RIF1: variants seen among roughly 807,000 people sequenced by gnomAD.
The protein encoded by RIF1 is telomere-associated protein RIF1.
A neutral mutation model predicts 247.1 loss-of-function variants in RIF1; 45 were observed. The observed-to-expected ratio is 0.18, with a 90% CI of 0.14 to 0.23. The LOEUF (loss-of-function observed/expected upper bound fraction) is 0.23, where lower values mean the gene tolerates loss of function less well. Among genes scored for constraint, RIF1 ranks in the 10% least tolerant of loss-of-function variants. The pLI is 1.00. For synonymous variants in RIF1, 1,087 were observed against 978.8 expected (o/e 1.11, Z -2.06); for missense variants, 2,967 against 2,862.5 (o/e 1.04, Z -0.83).
rs541126160 is a variant in RIF1 at position 151,497,626 on chromosome 2, C to G, written c.*514-1719C>G. On this transcript the variant is annotated intron_variant and NMD_transcript_variant, in intron 10 of 13. Transcript: ENST00000454583. ...TTTTTTTCTTTTCTTGCCAAAGTAC[C>G]GAGCTAATATTTTCTTGATTGTGTT... 3.8e-5 allele frequency: 59 copies of G among 1,569,106 alleles called. No individual in the cohort carries two copies. Among genetic ancestry groups the G allele is most frequent in the Middle Eastern group, 1.7e-4 (1 of 6,026 alleles).
Position 151,480,922 on chromosome 2 carries a change from G to A in RIF1, c.*5851G>A, listed in dbSNP as rs1358617208. On this transcript the variant is annotated 3_prime_UTR_variant, in exon 36 of 36. Transcript: ENST00000444746. ...ATGCCACCTGTTTTTTGTACTATCT[G>A]TGAGCTGAGACTGGTTTTTACATTT... 1 of 152,064 alleles carries A rather than the reference G, an allele frequency of 6.6e-6. No homozygotes were observed. The highest frequency in any genetic ancestry group is 2.4e-5 in the African/African-American group (1 of 41,414). The allele number at this position is 152,064 out of a possible 1,614,324, so 9.4% of individuals were successfully genotyped here.
In RIF1 at chr2:151,463,163, A is replaced by G. The variant is rs371962016; in HGVS notation, c.3643A>G (p.Thr1215Ala). Residue 1215 changes from threonine to alanine, a missense_variant, in exon 30 of 36, where the codon ACA becomes GCA. By Grantham distance (58) the Thr-to-Ala change is moderately conservative. Around this residue, in one of 7 missense-constraint regions of RIF1, gnomAD observed 2,028 missense variants for 1,825.6 expected, o/e 1.11. Transcript: ENST00000444746. Reference sequence around the variant, plus strand: ...TGTTGCTGGAACTCCCCCATACCCTACAAGTCGGAGGCAAACCTTTATTAC... The same window carrying G: ...TGTTGCTGGAACTCCCCCATACCCTGCAAGTCGGAGGCAAACCTTTATTAC... ...TTVAGTPPYPTSRRQTFITLE... is the reference protein window; with the variant it reads ...TTVAGTPPYPASRRQTFITLE... 45 of 1,614,030 alleles carry G rather than the reference A, an allele frequency of 2.8e-5. No homozygotes were observed. Among genetic ancestry groups the G allele is most frequent in the Non-Finnish European group, 3.7e-5 (44 of 1,180,010 alleles).
At position 151,481,316 on chromosome 2, in the gene RIF1, C is replaced by G. The variant is rs1408314593; in HGVS notation, c.*6245C>G. The G allele has an allele frequency of 6.6e-6, 1 of 152,172 alleles. No homozygotes were observed. The highest frequency in any genetic ancestry group is 1.5e-5 in the Non-Finnish European group (1 of 68,024). The allele number at this position is 152,172 out of a possible 1,614,324, so 9.4% of individuals were successfully genotyped here. ...CTCCTGATTTTACTTACGTGTTTTA[C>G]TATTGCTCAAATTACAGATACTAGG... On this transcript the variant is annotated 3_prime_UTR_variant, in exon 36 of 36. Transcript: ENST00000444746.
intron 24 of RIF1, 112 bp downstream of exon 24, chr2:151,458,075 T>TA (rs1247798303): frequency 1.5e-6 from 1 of 677,376 alleles, no homozygotes; most frequent in Non-Finnish European, 2.4e-6. Context: ...GAGGATTCCT[T>TA]AGTTGAAATA....
At position 151,466,131 on chromosome 2, in the gene RIF1, T is replaced by C; in HGVS notation, c.6600+11T>C. 1.3e-6 allele frequency: 2 copies of C among 1,493,286 alleles called. No individual in the cohort carries two copies. The highest frequency in any genetic ancestry group is 1.8e-6 in the Non-Finnish European group (2 of 1,094,172). 92.5% of individuals were successfully genotyped at this position (1,493,286 alleles called of 1,614,324 possible). ...TCACCTGTTAATAAGGTAAGGGGAA[T>C]GAGGCTAAATATTAAGGAACCCAGT... On this transcript the variant is annotated intron_variant, in intron 30 of 35. Transcript: ENST00000444746.
intron 9 of RIF1, chr2:151,490,101 T>G: frequency 6.5e-7 from 1 of 1,548,164 alleles, no homozygotes; most frequent in Non-Finnish European, 8.9e-7. Flanking sequence ...GGCAAATTCT[T>G]TATAAGAAGA....
intron 7 of RIF1, among the ~76,000 whole-genome samples, chr2:151,421,575 CTTGTT>C (rs1190807317): frequency 5.3e-5 from 8 of 152,168 alleles, no homozygotes; most frequent in Admixed American, 4.6e-4. Context: ...ATTTGAAGGT[CTTGTT>C]TTGTTTTTTG....
intron 11 of RIF1, among the ~76,000 whole-genome samples, chr2:151,502,421 A>G (rs1160820934): frequency 6.6e-6 from 1 of 152,104 alleles, no homozygotes; most frequent in Non-Finnish European, 1.5e-5. Context: ...GCAAACATAA[A>G]GAATACATTA....
chr2:151,503,591 T>C, intron 12 of RIF1: 1 of 550,940 alleles, frequency 1.8e-6, no homozygotes, highest in Non-Finnish European at 3.2e-6. Context: ...ATTCCATGAA[T>C]ATTTATGTTG....
rs758836253 is a variant in RIF1, at chr2:151,480,088, A to C, written c.*5017A>C. On this transcript the variant is annotated 3_prime_UTR_variant, in exon 36 of 36. Coordinates refer to ENST00000444746, the MANE Select transcript of RIF1 (RefSeq NM_018151.5). ...TGTGGTCCTAATCATTTTTTTCTTT[A>C]CATACTAAGCCTTCCTTTCTCCAAA... 1 of 152,148 alleles carries C rather than the reference A, an allele frequency of 6.6e-6. No homozygotes were observed. Among genetic ancestry groups the C allele is most frequent in the Non-Finnish European group, 1.5e-5 (1 of 68,002 alleles). 9.4% of individuals were successfully genotyped at this position (152,148 alleles called of 1,614,324 possible). A position where few individuals can be genotyped will look rare whatever the true frequency, so the allele number is the denominator to read the frequency against.
chr2:151,502,756 T>C (rs1319368920), intron 11 of RIF1: 1 of 1,142,404 alleles, frequency 8.8e-7, no homozygotes, highest in East Asian at 2.4e-5. Context: ...TAAATAAAAT[T>C]AAGGGATTTT....
intron 11 of RIF1, among the ~76,000 whole-genome samples, chr2:151,435,990 G>A (rs896519555): frequency 3.9e-5 from 6 of 152,022 alleles, no homozygotes; most frequent in African/African-American, 7.2e-5. Context: ...TTGGGAGGCC[G>A]AGCCCAGCAG....
chr2:151,419,199 CT>C (rs949982412), intron 6 of RIF1, among the ~76,000 whole-genome samples: 1 of 151,886 alleles, frequency 6.6e-6, no homozygotes, highest in South Asian at 2.1e-4. Flanking sequence ...TTGCAGTTAA[CT>C]TTTTTTAAAT....
intron 26 of RIF1, among the ~76,000 whole-genome samples, chr2:151,460,746 T>C (rs780282326): frequency 6.6e-6 from 1 of 152,220 alleles, no homozygotes; most frequent in Non-Finnish European, 1.5e-5. Context: ...TAAGATAATA[T>C]TGTAGTACCA....
the RIF1 span, chr2:151,525,115 T>C: frequency 7.7e-7 from 1 of 1,298,894 alleles, no homozygotes; most frequent in Non-Finnish European, 1.1e-6. Flanking sequence ...CAATCTGGGT[T>C]CCACTGCTTC....
chr2:151,418,927 T>A (rs560191447), intron 6 of RIF1, among the ~76,000 whole-genome samples: 1 of 150,296 alleles, frequency 6.7e-6, no homozygotes, highest in African/African-American at 2.4e-5. Flanking sequence ...TGTGCAAACA[T>A]ATTTTCCCTC....
intron 12 of RIF1, chr2:151,505,510 G>T: frequency 1.2e-6 from 2 of 1,613,662 alleles, no homozygotes; most frequent in African/African-American, 2.7e-5. Flanking sequence ...TCCTTCACAC[G>T]TTTCACTTCA....
Position 151,461,138 on chromosome 2 carries a change from C to A in RIF1, c.3076C>A (p.Leu1026Met), listed in dbSNP as rs1696095947. Residue 1026 changes from leucine to methionine, a missense_variant and splice_region_variant, in exon 27 of 36, where the codon CTG (leucine) becomes ATG (methionine). Coordinates refer to ENST00000444746, the MANE Select transcript of RIF1 (RefSeq NM_018151.5). ...TTTGCTTATTTTTTCAAATCTGCAGCTGAAACTTGAATCTTCGTCTTTAAA... is the reference window on the plus strand; with the variant it reads ...TTTGCTTATTTTTTCAAATCTGCAGATGAAACTTGAATCTTCGTCTTTAAA... Reference protein sequence around the residue: ...KKENMKPAAKLKLESSSLKVK... With the variant: ...KKENMKPAAKMKLESSSLKVK... The A allele has an allele frequency of 6.2e-7, 1 of 1,601,784 alleles. No homozygotes were observed. Among genetic ancestry groups the A allele is most frequent in the Admixed American group, 1.8e-5 (1 of 56,380 alleles).
intron 2 of RIF1, 26 bp downstream of exon 2, chr2:151,410,553 G>A: frequency 6.3e-7 from 1 of 1,576,832 alleles, no homozygotes; most frequent in Non-Finnish European, 8.7e-7. Flanking sequence ...GGGCGTAGCG[G>A]AGAGTGGGGC....
Sources: gnomAD v4.1 joint callset for allele counts (sites outside exome capture counted in the v4.1 genomes callset) on GRCh38, gnomAD v4.1.1 for gene constraint, gnomAD v4.1.1 regional missense constraint, MANE v1.5 for transcripts, NCBI Gene and HGNC (gene_info 2026-07-23, HGNC 2026-07-21) for gene names.